TRAK1: variants seen among roughly 807,000 people sequenced by gnomAD.
TRAK1 encodes the protein trafficking kinesin-binding protein 1.
Under a neutral mutation model 92.1 loss-of-function variants are expected in TRAK1, and 33 were observed. That is an observed-to-expected ratio of 0.36 (90% CI 0.27 to 0.48). The LOEUF (loss-of-function observed/expected upper bound fraction) is 0.48, where lower values mean the gene tolerates loss of function less well. Among genes scored for constraint, TRAK1 ranks in the 20% least tolerant of loss-of-function variants. The pLI is 0.99. For synonymous variants in TRAK1, 521 were observed against 517.3 expected, an observed-to-expected ratio of 1.01 and a Z score of -0.10; for missense variants, 1,123 against 1,257.9, an observed-to-expected ratio of 0.89 and a Z score of 1.62.
At chr3:42,195,024 GT>G in intron 10 of TRAK1, 83 bp downstream of exon 10, 1 of 1,537,266 alleles carries the variant, frequency 6.5e-7, no homozygotes, top group South Asian at 1.2e-5. Context: ...GGCCACTGGA[GT>G]TGGGTGTTCA....
At position 42,219,497 on chromosome 3, in the gene TRAK1, A is replaced by G. The variant is rs763074073; in HGVS notation, c.1967A>G (p.His656Arg). 30 of 1,613,796 alleles carry G rather than the reference A, an allele frequency of 1.9e-5. 2 individuals are homozygous for G. The highest frequency in any genetic ancestry group is 2.5e-6 in the Non-Finnish European group (3 of 1,179,976). The change falls in exon 15 of 16, where the codon CAC becomes CGC. Residue 656 changes from histidine to arginine, a missense_variant. Physicochemically the swap from His to Arg is conservative, Grantham distance 29. Transcript: ENST00000327628. ...TPVQHPETSAHHPGKCMSQTN... is the reference protein window; with the variant it reads ...TPVQHPETSARHPGKCMSQTN... Reference sequence around the variant, plus strand: ...TGTTTTGTTCCTCCCAATTTAGCGCACCATCCTGGGAAGTGCATGTCTCAG... The same window carrying G: ...TGTTTTGTTCCTCCCAATTTAGCGCGCCATCCTGGGAAGTGCATGTCTCAG...
intron 1 of TRAK1, among the ~76,000 whole-genome samples, chr3:42,049,221 G>A (rs1287762416): frequency 6.6e-6 from 1 of 152,188 alleles, no homozygotes; most frequent in African/African-American, 2.4e-5. Context: ...GGTTGAAATG[G>A]ATATGGAATT....
intron 1 of TRAK1, among the ~76,000 whole-genome samples, chr3:42,091,826 C>T (rs1028293866): frequency 6.6e-6 from 1 of 152,126 alleles, no homozygotes; most frequent in Non-Finnish European, 1.5e-5. Context: ...GCAAGTGACA[C>T]TTGCAGGGCA....
intron 3 of TRAK1, among the ~76,000 whole-genome samples, chr3:42,178,556 A>T (rs1703530016): frequency 6.6e-6 from 1 of 152,188 alleles, no homozygotes; most frequent in Admixed American, 6.5e-5. Context: ...AGCCCCAGGC[A>T]TAGGAGTCAC....
intron 13 of TRAK1, among the ~76,000 whole-genome samples, chr3:42,204,974 A>T (rs1214667651): frequency 6.6e-6 from 1 of 152,142 alleles, no homozygotes; most frequent in Non-Finnish European, 1.5e-5. Flanking sequence ...ATAAGATGGG[A>T]TGCTGACACA....
At chr3:42,187,437 C>T (rs1705050810) in intron 4 of TRAK1, among the ~76,000 whole-genome samples, 1 of 152,122 alleles carries the variant, frequency 6.6e-6, no homozygotes, top group African/African-American at 2.4e-5. Flanking sequence ...ATTTCCAAAG[C>T]CCCTGAATAG....
chr3:42,167,206 C>T (rs972419668), intron 2 of TRAK1, among the ~76,000 whole-genome samples: 2 of 152,170 alleles, frequency 1.3e-5, no homozygotes, highest in African/African-American at 4.8e-5. Flanking sequence ...ACTGTGCACC[C>T]GAGCTTTGTT....
chr3:42,014,911 C>T (rs1037521593), intron 1 of TRAK1, among the ~76,000 whole-genome samples: 2 of 151,746 alleles, frequency 1.3e-5, no homozygotes, highest in Admixed American at 1.3e-4. Context: ...GTAACCTTTT[C>T]TGGAGGGTCT....
In TRAK1 at chr3:42,202,208, A is replaced by G. The variant is rs1461831713; in HGVS notation, c.1428-228A>G. Among the ~76,000 whole-genome samples, 1 of 152,094 alleles carries G rather than the reference A, an allele frequency of 6.6e-6. No homozygotes were observed. The highest frequency in any genetic ancestry group is 1.5e-5 in the Non-Finnish European group (1 of 68,020). On this transcript the variant is annotated intron_variant, in intron 12 of 15. Coordinates refer to ENST00000327628, the MANE Select transcript of TRAK1 (RefSeq NM_001042646.3). This position sits in a 1 kb window ranked among gnomAD's most constrained non-coding sequence, Gnocchi z 6.1. Reference sequence around the variant, plus strand: ...TAGTCTGTGTGCAGATATTCATCCCACCTTAGTCCTCACCCCACCTCAACC... The same window carrying G: ...TAGTCTGTGTGCAGATATTCATCCCGCCTTAGTCCTCACCCCACCTCAACC...
chr3:42,142,451 C>G (rs1340588273), intron 2 of TRAK1, among the ~76,000 whole-genome samples: 1 of 152,194 alleles, frequency 6.6e-6, no homozygotes, highest in Non-Finnish European at 1.5e-5. Flanking sequence ...CAGCTCTCCT[C>G]TGGAGCCCTC....
intron 1 of TRAK1, among the ~76,000 whole-genome samples, chr3:42,030,172 A>G (rs931518018): frequency 6.6e-6 from 1 of 152,056 alleles, no homozygotes; most frequent in Non-Finnish European, 1.5e-5. Context: ...GGTGGTTCAC[A>G]CCTATAATCC....
intron 2 of TRAK1, among the ~76,000 whole-genome samples, chr3:42,155,720 C>T (rs1700456547): frequency 6.6e-6 from 1 of 152,174 alleles, no homozygotes; most frequent in South Asian, 2.1e-4. Flanking sequence ...CTGTCAAATA[C>T]GGTAGCCACT....
intron 1 of TRAK1, among the ~76,000 whole-genome samples, chr3:42,040,218 C>T (rs1201822818): frequency 2.6e-5 from 4 of 152,146 alleles, no homozygotes; most frequent in South Asian, 4.1e-4. Flanking sequence ...TTTTTGGTCA[C>T]GTGTGCTTTT....
rs547455969 is a variant in TRAK1, at chr3:42,134,578, C to CTT, written c.286+8989_286+8990dup. Among the ~76,000 whole-genome samples, 164 of 76,460 alleles carry CTT rather than the reference C, an allele frequency of 2.1e-3. 8 individuals are homozygous for CTT. Among genetic ancestry groups the CTT allele is most frequent in the African/African-American group, 4.5e-3 (89 of 19,672 alleles). 50.2% of individuals were successfully genotyped at this position (76,460 alleles called of 152,430 possible). ...AGGTGTTAGCCACCATGCCTGGTCT[C>CTT]TTTTTTTTTTTTTTTTTTTTTTTTT... On this transcript the variant is annotated intron_variant, in intron 2 of 15. Coordinates refer to ENST00000327628, the MANE Select transcript of TRAK1 (RefSeq NM_001042646.3).
At chr3:42,138,388 A>AT (rs1256646856) in intron 2 of TRAK1, among the ~76,000 whole-genome samples, 2 of 152,220 alleles carry the variant, frequency 1.3e-5, no homozygotes, top group Non-Finnish European at 2.9e-5. Flanking sequence ...GTTGTATTGA[A>AT]TAGGTGCCTA....
At chr3:42,158,605 A>G (rs1379464722) in intron 2 of TRAK1, among the ~76,000 whole-genome samples, 3 of 147,526 alleles carry the variant, frequency 2.0e-5, no homozygotes, top group African/African-American at 7.7e-5. Context: ...CTAAGAACAC[A>G]TCTTTAACAT....
intron 1 of TRAK1, among the ~76,000 whole-genome samples, chr3:42,107,517 G>GA (rs61327335): frequency 0.015 from 1,631 of 106,884 alleles, 23 homozygotes; most frequent in East Asian, 0.086. Flanking sequence ...TTTCAAAAAA[G>GA]AAAAAAAAAA....
At chr3:42,117,496 C>T (rs1051303016) in intron 1 of TRAK1, among the ~76,000 whole-genome samples, 1 of 152,068 alleles carries the variant, frequency 6.6e-6, no homozygotes. Flanking sequence ...CTCTTTCTCT[C>T]TCCTGTCTTT....
At chr3:42,160,107 G>C in intron 2 of TRAK1, 2 of 673,092 alleles carry the variant, frequency 3.0e-6, no homozygotes, top group Admixed American at 4.8e-5. Context: ...CCCGCCAAGT[G>C]CTCCACCCCA....
Sources: gnomAD v4.1 joint callset for allele counts (sites outside exome capture counted in the v4.1 genomes callset) on GRCh38, gnomAD v4.1.1 for gene constraint, Gnocchi (gnomAD v3.1) non-coding constraint, MANE v1.5 for transcripts, NCBI Gene and HGNC (gene_info 2026-07-23, HGNC 2026-07-21) for gene names.